The following PTP4A3 variants were observed in gnomAD, a reference collection of about 807,000 sequenced individuals.
PTP4A3 encodes the protein protein tyrosine phosphatase 4A3, also known as protein tyrosine phosphatase type IVA 3.
In PTP4A3, 9 loss-of-function variants were observed where a neutral mutation model predicts 15.2. That is an observed-to-expected ratio of 0.59 (90% CI 0.36 to 1.03). The LOEUF is 1.03. PTP4A3 is among the 50% of genes least tolerant of loss of function. The pLI, the probability that PTP4A3 is intolerant of heterozygous loss-of-function variation, is 0.02. For missense variants in PTP4A3, 234 were observed against 252.1 expected, an observed-to-expected ratio of 0.93 and a Z score of 0.49; for synonymous variants, 95 against 102.0, an observed-to-expected ratio of 0.93 and a Z score of 0.41.
chr8:141,404,702 G>T (rs897574171), intron 1 of PTP4A3, among the ~76,000 whole-genome samples: 1 of 152,164 alleles, frequency 6.6e-6, no homozygotes, highest in African/African-American at 2.4e-5. Context: ...CTCTGCAGAG[G>T]CAGGGGCTCC....
chr8:141,402,949 G>A (rs552549877), intron 1 of PTP4A3, among the ~76,000 whole-genome samples: 105 of 152,266 alleles, frequency 6.9e-4, no homozygotes, highest in African/African-American at 2.4e-3. Context: ...CCAGCGGGCC[G>A]GTCCAGAGCA....
chr8:141,402,139 T>C (rs532150646), intron 1 of PTP4A3, among the ~76,000 whole-genome samples: 55 of 152,122 alleles, frequency 3.6e-4, no homozygotes, highest in African/African-American at 1.3e-3. Context: ...CTAGAAACAT[T>C]GGAGGCCGCC....
intron 1 of PTP4A3, among the ~76,000 whole-genome samples, chr8:141,401,535 C>T (rs2129838450): frequency 6.6e-6 from 1 of 152,292 alleles, no homozygotes; most frequent in African/African-American, 2.4e-5. Flanking sequence ...GCTGGCTGGC[C>T]CCTGCTCCCA....
At chr8:141,419,660 C>T (rs1833237488) in intron 1 of PTP4A3, among the ~76,000 whole-genome samples, 1 of 151,636 alleles carries the variant, frequency 6.6e-6, no homozygotes, top group African/African-American at 2.4e-5. Context: ...CAACCTCTGC[C>T]TCCAGGGTTC....
intron 3 of PTP4A3, chr8:141,426,427 G>C (rs1343552163): frequency 1.0e-6 from 1 of 985,196 alleles, no homozygotes; most frequent in East Asian, 1.1e-4. Context: ...CCTGCCCTCA[G>C]AAATGTGGGC....
At chr8:141,417,674 G>A (rs1272848136) in intron 1 of PTP4A3, among the ~76,000 whole-genome samples, 2 of 152,034 alleles carry the variant, frequency 1.3e-5, no homozygotes, top group African/African-American at 2.4e-5. Flanking sequence ...CCGGCGGGAG[G>A]AAGGAGGGGT....
At chr8:141,413,927 A>T (rs1412081180) in intron 1 of PTP4A3, among the ~76,000 whole-genome samples, 1 of 152,204 alleles carries the variant, frequency 6.6e-6, no homozygotes, top group Non-Finnish European at 1.5e-5. Context: ...CTGTGTGGAC[A>T]GGAGGACATG....
In PTP4A3 at chr8:141,406,375, G is replaced by A. The variant is rs1469597652; in HGVS notation, c.-854+14291G>A. Among the ~76,000 whole-genome samples the A allele has an allele frequency of 1.3e-5, 2 of 152,114 alleles. No individual in the cohort carries two copies. Among genetic ancestry groups the A allele is most frequent in the Non-Finnish European group, 2.9e-5 (2 of 68,020 alleles). On this transcript the variant is annotated intron_variant, in intron 1 of 5. Coordinates refer to ENST00000521578, the MANE Select transcript of PTP4A3 (RefSeq NM_032611.3). The surrounding 1 kb of genome is among the most constrained non-coding windows in gnomAD (Gnocchi z 4.5). ...GCCCTGAAGCACTTCTGAGAAGCCG[G>A]GGAGCAGTTCCCTGGGGTTTCCCCT... is the stretch of plus-strand genomic sequence containing the variant.
intron 1 of PTP4A3, among the ~76,000 whole-genome samples, chr8:141,397,746 A>G (rs1294623863): frequency 1.3e-5 from 2 of 152,224 alleles, no homozygotes; most frequent in Non-Finnish European, 2.9e-5. Flanking sequence ...TGGATAGTTC[A>G]GAGAGATTCT....
intron 2 of PTP4A3, among the ~76,000 whole-genome samples, chr8:141,424,782 A>G (rs1169333844): frequency 6.6e-6 from 1 of 152,030 alleles, no homozygotes; most frequent in African/African-American, 2.4e-5. Context: ...GTGGAGCCTG[A>G]AGTCCACTCT....
intron 1 of PTP4A3, among the ~76,000 whole-genome samples, chr8:141,417,159 C>T (rs1021025501): frequency 1.3e-5 from 2 of 152,226 alleles, no homozygotes; most frequent in Non-Finnish European, 1.5e-5. Context: ...GGGAGGGCTT[C>T]CTGGAAGAGG....
In PTP4A3 at chr8:141,425,146, G is replaced by T. The variant is rs747851875; in HGVS notation, c.198+6G>T. The T allele has an allele frequency of 2.5e-6, 4 of 1,608,022 alleles. No individual in the cohort carries two copies. In the African/African-American group the frequency reaches 5.4e-5, roughly 22 times the overall value. ...AGGATGGCATCACCGTTGTGGTGAG[G>T]CGCGCGCCACGGGGACCCTAGTCAC... is the stretch of plus-strand genomic sequence containing the variant. On this transcript the variant is annotated splice_donor_region_variant and intron_variant, in intron 3 of 5. Coordinates refer to ENST00000521578, the MANE Select transcript of PTP4A3 (RefSeq NM_032611.3). This position sits in a 1 kb window ranked among gnomAD's most constrained non-coding sequence, Gnocchi z 4.2.
intron 1 of PTP4A3, among the ~76,000 whole-genome samples, chr8:141,407,592 A>C (rs1399279327): frequency 7.4e-6 from 1 of 135,388 alleles, no homozygotes; most frequent in African/African-American, 3.0e-5. Context: ...TTTGAGATGG[A>C]GTCTCACTCT....
intron 1 of PTP4A3, among the ~76,000 whole-genome samples, chr8:141,393,862 G>C (rs1586529798): frequency 2.0e-5 from 3 of 152,364 alleles, no homozygotes; most frequent in Middle Eastern, 3.4e-3. Flanking sequence ...ATGGCGAGGA[G>C]GTCTTGGAGG....
At chr8:141,410,072 C>A (rs986502923) in intron 1 of PTP4A3, among the ~76,000 whole-genome samples, 8 of 152,220 alleles carry the variant, frequency 5.3e-5, no homozygotes, top group Non-Finnish European at 1.5e-5. Context: ...CTCTGCCCAG[C>A]CCCTGCTGCG....
chr8:141,405,783 G>A (rs1832705764), intron 1 of PTP4A3, among the ~76,000 whole-genome samples: 1 of 150,436 alleles, frequency 6.6e-6, no homozygotes, highest in Non-Finnish European at 1.5e-5. Context: ...TGGCTAGCAG[G>A]AGGAACAGGA....
chr8:141,422,154 T>G lies in PTP4A3; in HGVS notation c.-87T>G, dbSNP rs1833360447. 2 of 1,281,018 alleles carry G rather than the reference T, an allele frequency of 1.6e-6. No individual in the cohort carries two copies. Among genetic ancestry groups the G allele is most frequent in the African/African-American group, 2.9e-5 (2 of 67,872 alleles). The allele number at this position is 1,281,018 out of a possible 1,614,324, so 79.4% of individuals were successfully genotyped here. ...GCACAGGGATCTCGTTCTCCTCATTTTTTGGGGGTGTGTGGGGACTTCTCA... is the reference window on the plus strand; with the variant it reads ...GCACAGGGATCTCGTTCTCCTCATTGTTTGGGGGTGTGTGGGGACTTCTCA... On this transcript the variant is annotated 5_prime_UTR_variant, in exon 2 of 6. Coordinates refer to ENST00000521578, the MANE Select transcript of PTP4A3 (RefSeq NM_032611.3).
chr8:141,402,944 G>T (rs913616793), intron 1 of PTP4A3, among the ~76,000 whole-genome samples: 8 of 152,148 alleles, frequency 5.3e-5, no homozygotes, highest in African/African-American at 1.9e-4. Flanking sequence ...CCTGGCCAGC[G>T]GGCCGGTCCA....
intron 5 of PTP4A3, 93 bp from the exon 6 acceptor site, chr8:141,430,834 C>T (rs892128420): frequency 7.4e-5 from 92 of 1,237,124 alleles, no homozygotes; most frequent in Non-Finnish European, 9.4e-6. Context: ...CTTACTCCAG[C>T]CCACTGCACT....
Sources: gnomAD v4.1 joint callset for allele counts (sites outside exome capture counted in the v4.1 genomes callset) on GRCh38, gnomAD v4.1.1 for gene constraint, Gnocchi (gnomAD v3.1) non-coding constraint, MANE v1.5 for transcripts, NCBI Gene and HGNC (gene_info 2026-07-23, HGNC 2026-07-21) for gene names.